Variants in KATNAL1 observed in about 807,000 individuals in gnomAD.
KATNAL1 encodes katanin catalytic subunit A1 like 1, also known as katanin p60 ATPase-containing subunit A-like 1.
A neutral mutation model predicts 55.2 loss-of-function variants in KATNAL1; 32 were observed. The ratio of observed to expected loss-of-function variants is 0.58; its 90% CI spans 0.44 to 0.78. The LOEUF (loss-of-function observed/expected upper bound fraction) is 0.78, where lower values mean the gene tolerates loss of function less well. KATNAL1 is among the 30% of genes least tolerant of loss of function. The probability of loss-of-function intolerance (pLI) is 0.00; values close to 1 mark genes in which losing one functional copy is unlikely to be tolerated. For synonymous variants in KATNAL1, 193 were observed against 193.6 expected, an observed-to-expected ratio of 1.00 and a Z score of 0.02; for missense variants, 466 against 600.9, an observed-to-expected ratio of 0.78 and a Z score of 2.35.
At chr13:30,225,236 C>T (rs939582396) in intron 9 of KATNAL1, among the ~76,000 whole-genome samples, 9 of 152,156 alleles carry the variant, frequency 5.9e-5, no homozygotes, top group Admixed American at 2.0e-4. Context: ...CTTACTTCTA[C>T]CACTTCACAT....
chr13:30,229,479 A>C (rs1875858073), intron 8 of KATNAL1, among the ~76,000 whole-genome samples: 1 of 152,118 alleles, frequency 6.6e-6, no homozygotes, highest in African/African-American at 2.4e-5. Context: ...TAGCACTTTG[A>C]GAGGCTGAGT....
chr13:30,218,974 T>A (rs1230246014), intron 9 of KATNAL1, among the ~76,000 whole-genome samples: 1 of 152,226 alleles, frequency 6.6e-6, no homozygotes, highest in Non-Finnish European at 1.5e-5. Context: ...TATTGGCTTT[T>A]CTTACCACCA....
At chr13:30,296,899 G>T (rs1280484437) in intron 1 of KATNAL1, among the ~76,000 whole-genome samples, 1 of 152,004 alleles carries the variant, frequency 6.6e-6, no homozygotes, top group East Asian at 1.9e-4. Flanking sequence ...GCCTTCTCAT[G>T]CCTCCTCCTG....
At chr13:30,302,441 GA>G (rs34935225) in intron 1 of KATNAL1, among the ~76,000 whole-genome samples, 3 of 148,002 alleles carry the variant, frequency 2.0e-5, no homozygotes, top group Non-Finnish European at 3.0e-5. Flanking sequence ...AAGTAGGTCA[GA>G]AAAAAAAAAC....
intron 3 of KATNAL1, among the ~76,000 whole-genome samples, chr13:30,269,336 G>A (rs1266727411): frequency 2.0e-5 from 3 of 152,228 alleles, no homozygotes; most frequent in African/African-American, 4.8e-5. Flanking sequence ...CACCAGCCTC[G>A]GCCTCCCGAG....
chr13:30,244,799 A>G (rs1023600821), intron 4 of KATNAL1, among the ~76,000 whole-genome samples: 5 of 152,202 alleles, frequency 3.3e-5, no homozygotes, highest in African/African-American at 1.2e-4. Flanking sequence ...GAAAATCTAG[A>G]AGAAATGGAT....
chr13:30,292,642 C>T (rs1342707090), intron 1 of KATNAL1, among the ~76,000 whole-genome samples: 1 of 152,166 alleles, frequency 6.6e-6, no homozygotes, highest in Admixed American at 6.5e-5. Context: ...CTCCCTTCAT[C>T]CTGGGGAGCC....
Position 30,206,721 on chromosome 13 carries a change from A to G in KATNAL1, c.*1819T>C, listed in dbSNP as rs760098685. On this transcript the variant is annotated 3_prime_UTR_variant, in exon 11 of 11. Transcript: ENST00000380615. ...ACAAACAAGTTTTAACAATCACAAG[A>G]CTAATGTTTTAGTGACGGCTCCTAA... 5 of 152,106 alleles carry G rather than the reference A, an allele frequency of 3.3e-5. No homozygotes were observed. The highest frequency in any genetic ancestry group is 5.9e-5 in the Non-Finnish European group (4 of 68,006). The allele number at this position is 152,106 out of a possible 1,614,324, so 9.4% of individuals were successfully genotyped here. A position where few individuals can be genotyped will look rare whatever the true frequency, so the allele number is the denominator to read the frequency against.
chr13:30,300,544 A>ACTTT (rs1209011115), intron 1 of KATNAL1, among the ~76,000 whole-genome samples: 2 of 152,208 alleles, frequency 1.3e-5, no homozygotes, highest in Admixed American at 1.3e-4. Flanking sequence ...GTTTCTCCAA[A>ACTTT]TCACCGAAGT....
At chr13:30,291,174 T>C (rs548546212) in intron 1 of KATNAL1, among the ~76,000 whole-genome samples, 15 of 152,188 alleles carry the variant, frequency 9.9e-5, no homozygotes, top group Non-Finnish European at 1.8e-4. Context: ...GAAAACATGA[T>C]TGTCAGTGGA....
chr13:30,303,079 T>G (rs1253883890), intron 1 of KATNAL1, among the ~76,000 whole-genome samples: 2 of 152,204 alleles, frequency 1.3e-5, no homozygotes, highest in Admixed American at 1.3e-4. Flanking sequence ...AGCTCACTTT[T>G]TAATAGGCTG....
chr13:30,218,148 T>G, intron 9 of KATNAL1, among the ~76,000 whole-genome samples: 1 of 149,888 alleles, frequency 6.7e-6, no homozygotes, highest in South Asian at 2.1e-4. Context: ...AATAAAATAC[T>G]GATAGATGCA....
chr13:30,226,080 C>A (rs1336636221), intron 9 of KATNAL1, among the ~76,000 whole-genome samples: 1 of 152,148 alleles, frequency 6.6e-6, no homozygotes, highest in East Asian at 1.9e-4. Context: ...CATGAGACAG[C>A]ATTTCATACT....
intron 1 of KATNAL1, among the ~76,000 whole-genome samples, chr13:30,289,257 AT>A (rs1881986192): frequency 6.6e-6 from 1 of 152,190 alleles, no homozygotes; most frequent in Admixed American, 6.5e-5. Flanking sequence ...ACTCAAAATA[AT>A]TTGCCTTTTT....
In KATNAL1 at chr13:30,255,441, T is replaced by C; in HGVS notation, c.492+6A>G. Reference sequence around the variant, plus strand: ...GTGAGTGAATTACAGAAAGACAGCATCTTGCCTTGTCATCTCTCCCTCTTG... The same window carrying C: ...GTGAGTGAATTACAGAAAGACAGCACCTTGCCTTGTCATCTCTCCCTCTTG... On this transcript the variant is annotated splice_donor_region_variant and intron_variant, in intron 4 of 10. Coordinates refer to ENST00000380615, the MANE Select transcript of KATNAL1 (RefSeq NM_032116.5). 6.6e-7 allele frequency: 1 copy of C among 1,513,418 alleles called. No individual in the cohort carries two copies. The highest frequency in any genetic ancestry group is 1.8e-4 in the Middle Eastern group (1 of 5,676). The allele number at this position is 1,513,418 out of a possible 1,614,324, so 93.7% of individuals were successfully genotyped here. A position where few individuals can be genotyped will look rare whatever the true frequency, so the allele number is the denominator to read the frequency against.
At position 30,278,389 on chromosome 13, in the gene KATNAL1, C is replaced by G. The variant is rs138376175; in HGVS notation, c.323+1674G>C. ...TTCTGGTCCATTCATCTTTCACTTT[C>G]ATTTAGAAAAGGGATTTAAAAACAA... On this transcript the variant is annotated intron_variant, in intron 3 of 10. Transcript: ENST00000380615. Among the ~76,000 whole-genome samples the G allele has an allele frequency of 1.1e-3, 175 of 152,228 alleles. 1 individual carries two copies. Among genetic ancestry groups the G allele is most frequent in the African/African-American group, 4.0e-3 (166 of 41,556 alleles).
chr13:30,271,541 C>T (rs1423472119), intron 3 of KATNAL1, among the ~76,000 whole-genome samples: 3 of 151,992 alleles, frequency 2.0e-5, no homozygotes, highest in Admixed American at 6.6e-5. Flanking sequence ...GTGCTACACA[C>T]TTTTTAACAA....
intron 1 of KATNAL1, among the ~76,000 whole-genome samples, chr13:30,301,463 T>C (rs1882851677): frequency 6.6e-6 from 1 of 152,226 alleles, no homozygotes; most frequent in Non-Finnish European, 1.5e-5. Flanking sequence ...TATTGAATGC[T>C]AACTCCCCAC....
At chr13:30,255,360 G>T in intron 4 of KATNAL1, 87 bp downstream of exon 4, 1 of 1,083,852 alleles carries the variant, frequency 9.2e-7, no homozygotes, top group Non-Finnish European at 1.2e-6. Flanking sequence ...TCAAAACCAG[G>T]GTATCTTGAA....
Sources: gnomAD v4.1 joint callset for allele counts (sites outside exome capture counted in the v4.1 genomes callset) on GRCh38, gnomAD v4.1.1 for gene constraint, MANE v1.5 for transcripts, NCBI Gene and HGNC (gene_info 2026-07-23, HGNC 2026-07-21) for gene names.